The following NKTR variants were observed in gnomAD, a reference collection of about 807,000 sequenced individuals.
NKTR encodes the protein NK-tumor recognition protein.
A neutral mutation model predicts 156.3 loss-of-function variants in NKTR; 67 were observed. The observed-to-expected ratio is 0.43, with a 90% CI of 0.35 to 0.53. The LOEUF is 0.53. Ranked by LOEUF, NKTR falls within the 20% of genes least tolerant of loss-of-function variation. The probability of loss-of-function intolerance (pLI) is 0.01; values close to 1 mark genes in which losing one functional copy is unlikely to be tolerated. For synonymous variants in NKTR, 640 were observed against 596.6 expected, an observed-to-expected ratio of 1.07 and a Z score of -1.06; for missense variants, 1,604 against 1,730.9, an observed-to-expected ratio of 0.93 and a Z score of 1.30.
chr3:42,635,835 G>A (rs1436800102), intron 12 of NKTR, among the ~76,000 whole-genome samples: 1 of 152,030 alleles, frequency 6.6e-6, no homozygotes, highest in Non-Finnish European at 1.5e-5. Context: ...GTGAACCCGG[G>A]AGGTGGAGCT....
At chr3:42,610,088 C>A (rs1255246714) in intron 2 of NKTR, among the ~76,000 whole-genome samples, 1 of 152,114 alleles carries the variant, frequency 6.6e-6, no homozygotes, top group African/African-American at 2.4e-5. Context: ...TCACTGCAAC[C>A]TCTGCCTCCT....
chr3:42,614,212 T>A (rs1463995496), intron 2 of NKTR, among the ~76,000 whole-genome samples: 3 of 152,198 alleles, frequency 2.0e-5, no homozygotes, highest in Non-Finnish European at 4.4e-5. Context: ...CAAAGAGGCA[T>A]CATCAGCAGG....
rs201803926 is a variant in NKTR, at chr3:42,607,969, C to CTTTTTTTTTTTTT, written c.58+6936_58+6948dup. 5.9e-4 allele frequency among the ~76,000 whole-genome samples: 44 copies of CTTTTTTTTTTTTT among 74,960 alleles called. 6 individuals are homozygous for CTTTTTTTTTTTTT. Among genetic ancestry groups the CTTTTTTTTTTTTT allele is most frequent in the Non-Finnish European group, 8.6e-4 (29 of 33,914 alleles). The allele number at this position is 74,960 out of a possible 152,430, so 49.2% of individuals were successfully genotyped here. A position where few individuals can be genotyped will look rare whatever the true frequency, so the allele number is the denominator to read the frequency against. On this transcript the variant is annotated intron_variant, in intron 2 of 16. Coordinates refer to ENST00000232978, the MANE Select transcript of NKTR (RefSeq NM_005385.4). Reference sequence around the variant, plus strand: ...TGCCAATCGCAAGTCCTGAGTCGCTCTTTTTTTTTTTTTTTTTTTTTTTTT... The same window carrying CTTTTTTTTTTTTT: ...TGCCAATCGCAAGTCCTGAGTCGCTCTTTTTTTTTTTTTTTTTTTTTTTTTTTTTTTTTTTTTT...
At chr3:42,610,386 G>A (rs1467864538) in intron 2 of NKTR, among the ~76,000 whole-genome samples, 1 of 152,184 alleles carries the variant, frequency 6.6e-6, no homozygotes, top group Admixed American at 6.5e-5. Context: ...TGCTTCACTG[G>A]AATTAATGCT....
At chr3:42,635,132 C>T in intron 11 of NKTR, 89 bp from the exon 12 acceptor site, 3 of 879,806 alleles carry the variant, frequency 3.4e-6, no homozygotes, top group Non-Finnish European at 5.0e-6. Context: ...ATGGGATGAT[C>T]TGAGATTGGG....
At chr3:42,635,077 A>T in intron 11 of NKTR, 144 bp from the exon 12 acceptor site, 9 of 462,136 alleles carry the variant, frequency 1.9e-5, no homozygotes, top group African/African-American at 2.2e-5. Context: ...AAAAAAAAAA[A>T]AGAACTTTAG....
intron 2 of NKTR, among the ~76,000 whole-genome samples, chr3:42,604,098 G>A (rs1378791614): frequency 6.6e-6 from 1 of 152,152 alleles, no homozygotes; most frequent in East Asian, 1.9e-4. Context: ...TGTGCTTAGA[G>A]TTGTTTGTCA....
In NKTR at chr3:42,638,263, C is replaced by T. The variant is rs749467570; in HGVS notation, c.2559C>T (p.Cys853=). 1.9e-6 allele frequency: 3 copies of T among 1,608,520 alleles called. No individual in the cohort carries two copies. Among genetic ancestry groups the T allele is most frequent in the Non-Finnish European group, 8.5e-7 (1 of 1,178,734 alleles). ...AAAAATCCAAGTCTGAACGGGAATG[C>T]CCTCATTCAAAAAAAAGAACTTTGA... ...GEEKSKSERE[C]PHSKKRTLKE... is the part of the protein sequence containing the mutation. Residue 853 remains cysteine (C), a synonymous_variant, in exon 13 of 17, where the codon TGC becomes TGT. Transcript: ENST00000232978.
intron 6 of NKTR, chr3:42,627,579 A>G: frequency 1.0e-6 from 1 of 985,186 alleles, no homozygotes; most frequent in Non-Finnish European, 1.2e-6. Context: ...TTGGAGTAGC[A>G]GTGACACTTG....
At chr3:42,603,360 T>TAAAAAAA (rs376932471) in intron 2 of NKTR, among the ~76,000 whole-genome samples, 20 of 92,736 alleles carry the variant, frequency 2.2e-4, no homozygotes, top group Non-Finnish European at 4.3e-4. Flanking sequence ...ATCTTGTTTC[T>TAAAAAAA]AAAAAAAAAA....
At chr3:42,641,739 G>T (rs766695202) in intron 13 of NKTR, among the ~76,000 whole-genome samples, 1 of 151,990 alleles carries the variant, frequency 6.6e-6, no homozygotes, top group Non-Finnish European at 1.5e-5. Flanking sequence ...TTAGCCGGGC[G>T]TGGTAGTGCG....
chr3:42,639,354 G>C lies in NKTR; in HGVS notation c.3650G>C (p.Ser1217Thr). ...GGGAAGAAGGAGGTGGCTGAGAAGA[G>C]CCAGATCAACCTCATTGATAAGAAA... ...STGKKEVAEK[S>T]QINLIDKKWK... The change falls in exon 13 of 17, where the codon AGC becomes ACC. Residue 1217 changes from serine (S) to threonine (T), a missense_variant. Around this residue, in one of 6 missense-constraint regions of NKTR, gnomAD observed 1,255 missense variants for 1,243.7 expected, o/e 1.01. Transcript: ENST00000232978. 1 of 1,614,164 alleles carries C rather than the reference G, an allele frequency of 6.2e-7. No homozygotes were observed. Among genetic ancestry groups the C allele is most frequent in the Non-Finnish European group, 8.5e-7 (1 of 1,180,024 alleles).
chr3:42,626,187 T>G (rs969433442), intron 6 of NKTR, among the ~76,000 whole-genome samples: 1 of 151,838 alleles, frequency 6.6e-6, no homozygotes, highest in African/African-American at 2.4e-5. Context: ...TTTGCAACAT[T>G]CATTGAAAAC....
Position 42,648,586 on chromosome 3 carries a change from C to A in NKTR, c.*2611C>A, listed in dbSNP as rs1710493669. ...CATTATTGGACTGTTTTTGTAACAT[C>A]CTGTTTATTGCAAATAGCTAGTATC... On this transcript the variant is annotated 3_prime_UTR_variant, in exon 17 of 17. Transcript: ENST00000232978. 6.6e-6 allele frequency: 1 copy of A among 152,578 alleles called. No homozygotes were observed. Among genetic ancestry groups the A allele is most frequent in the African/African-American group, 2.4e-5 (1 of 41,422 alleles). 9.5% of individuals were successfully genotyped at this position (152,578 alleles called of 1,614,324 possible).
At chr3:42,607,670 G>C (rs1706353967) in intron 2 of NKTR, among the ~76,000 whole-genome samples, 1 of 152,122 alleles carries the variant, frequency 6.6e-6, no homozygotes, top group African/African-American at 2.4e-5. Context: ...AGGATTGGTT[G>C]AGTAAAATTT....
intron 6 of NKTR, among the ~76,000 whole-genome samples, chr3:42,626,621 G>A (rs563002305): frequency 2.0e-5 from 3 of 152,194 alleles, no homozygotes; most frequent in South Asian, 2.1e-4. Flanking sequence ...ACTAGGGTCC[G>A]AACATTTGCT....
In NKTR at chr3:42,647,452, T is replaced by A. The variant is rs760530546; in HGVS notation, c.*1477T>A. ...CCTACCACAGGCCTTGTCTGGTGTA[T>A]TTGGGAAGTGGAAAAGAGCCCTCAG... is the stretch of plus-strand genomic sequence containing the variant. On this transcript the variant is annotated 3_prime_UTR_variant, in exon 17 of 17. Transcript: ENST00000232978. 1 of 151,936 alleles carries A rather than the reference T, an allele frequency of 6.6e-6. No individual in the cohort carries two copies. Among genetic ancestry groups the A allele is most frequent in the Non-Finnish European group, 1.5e-5 (1 of 68,002 alleles). 9.4% of individuals were successfully genotyped at this position (151,936 alleles called of 1,614,324 possible).
chr3:42,604,459 G>GTGCACTTGAATGTACATTC, intron 2 of NKTR, among the ~76,000 whole-genome samples: 1 of 150,806 alleles, frequency 6.6e-6, no homozygotes. Flanking sequence ...TCCGTTCTTT[G>GTGCACTTGAATGTACATTC]TGCACTTGAA....
chr3:42,606,713 T>G (rs1431081422), intron 2 of NKTR, among the ~76,000 whole-genome samples: 1 of 152,180 alleles, frequency 6.6e-6, no homozygotes, highest in Non-Finnish European at 1.5e-5. Flanking sequence ...TTTTAAATTT[T>G]TATTTTTTTC....
Sources: gnomAD v4.1 joint callset for allele counts (sites outside exome capture counted in the v4.1 genomes callset) on GRCh38, gnomAD v4.1.1 for gene constraint, gnomAD v4.1.1 regional missense constraint, MANE v1.5 for transcripts, NCBI Gene and HGNC (gene_info 2026-07-23, HGNC 2026-07-21) for gene names.